FHAD1: variants seen among roughly 807,000 people sequenced by gnomAD.
The protein encoded by FHAD1 is forkhead associated phosphopeptide binding domain 1.
FHAD1 carries 146 observed loss-of-function variants against 191.3 expected under a neutral mutation model. That is an observed-to-expected ratio of 0.76 (90% confidence interval 0.67 to 0.88). The LOEUF (loss-of-function observed/expected upper bound fraction) is 0.88. FHAD1 is among the 40% of genes least tolerant of loss of function. The pLI, the probability that FHAD1 is intolerant of heterozygous loss-of-function variation, is 0.00. For synonymous variants in FHAD1, 616 were observed against 672.3 expected (o/e 0.92, Z 1.29); for missense variants, 1,635 against 1,785.8 (o/e 0.92, Z 1.52).
chr1:15,348,979 C>A, intron 18 of FHAD1, 63 bp from the exon 19 acceptor site: 1 of 956,808 alleles, frequency 1.0e-6, no homozygotes, highest in Non-Finnish European at 1.6e-6. Flanking sequence ...TTATCATTAT[C>A]ATTACTAGCA....
At chr1:15,328,461 C>G (rs1173052018) in intron 13 of FHAD1, 32 bp downstream of exon 13, 21 of 1,367,794 alleles carry the variant, frequency 1.5e-5, no homozygotes, top group Non-Finnish European at 1.9e-5. Flanking sequence ...CACAAATGGT[C>G]TCTTTGTCTA....
Position 15,289,716 on chromosome 1 carries a change from T to C in FHAD1, c.568+50T>C, listed in dbSNP as rs1282071070. 2.0e-6 allele frequency: 3 copies of C among 1,508,226 alleles called. No individual in the cohort carries two copies. The highest frequency in any genetic ancestry group is 8.9e-7 in the Non-Finnish European group (1 of 1,120,540). The allele number at this position is 1,508,226 out of a possible 1,614,324, so 93.4% of individuals were successfully genotyped here. On this transcript the variant is annotated intron_variant, in intron 4 of 33. Coordinates refer to ENST00000688493, the MANE Select transcript of FHAD1 (RefSeq NM_001391957.1). The surrounding 1 kb of genome is among the most constrained non-coding windows in gnomAD (Gnocchi z 4.2). ...GGCTTGGGGGTGGTTCACGGCCATG[T>C]GGATGGGTCTTGGTTTTGGTTTACT... is the stretch of plus-strand genomic sequence containing the variant.
At chr1:15,275,225 G>A (rs541989526) in intron 3 of FHAD1, among the ~76,000 whole-genome samples, 11 of 152,268 alleles carry the variant, frequency 7.2e-5, no homozygotes, top group Non-Finnish European at 1.5e-4. Context: ...GCCTCCCAAA[G>A]TGCTGGGATT....
chr1:15,286,192 T>C (rs112870594), intron 3 of FHAD1, among the ~76,000 whole-genome samples: 1 of 152,346 alleles, frequency 6.6e-6, no homozygotes, highest in African/African-American at 2.4e-5. Flanking sequence ...AATTTTGTTA[T>C]GTATTTTTTT....
intron 33 of FHAD1, among the ~76,000 whole-genome samples, chr1:15,393,757 T>C (rs2496329): frequency 0.39 from 58,880 of 151,328 alleles, 14,787 homozygotes; most frequent in African/African-American, 0.72. Flanking sequence ...CATGAGCCAC[T>C]GCCCCTGGCC....
At chr1:15,280,630 C>T (rs1469527870) in intron 3 of FHAD1, among the ~76,000 whole-genome samples, 5 of 152,310 alleles carry the variant, frequency 3.3e-5, no homozygotes, top group African/African-American at 1.2e-4. Context: ...GCAGGTCACA[C>T]TCTTCCCAAA....
upstream of FHAD1, among the ~76,000 whole-genome samples, chr1:15,244,268 A>G (rs888490200): frequency 6.6e-6 from 1 of 152,188 alleles, no homozygotes; most frequent in Non-Finnish European, 1.5e-5. The surrounding 1 kb of genome is among the most constrained non-coding windows in gnomAD (Gnocchi z 5.1). Context: ...CAGAGGATCC[A>G]ATTAAGATTT....
intron 3 of FHAD1, among the ~76,000 whole-genome samples, chr1:15,275,152 T>C (rs534111387): frequency 2.0e-5 from 3 of 151,942 alleles, no homozygotes; most frequent in South Asian, 2.1e-4. Context: ...TTAGTAGAGA[T>C]GGGGTTTCAC....
At chr1:15,236,671 TG>T (rs1644821029) in exon 1 of FHAD1, among the ~76,000 whole-genome samples, 1 of 152,228 alleles carries the variant, frequency 6.6e-6, no homozygotes, top group East Asian at 1.9e-4. Flanking sequence ...TGTCTGAGGT[TG>T]GATCCACGTG....
At chr1:15,322,642 G>T (rs1676686111) in intron 10 of FHAD1, among the ~76,000 whole-genome samples, 1 of 152,186 alleles carries the variant, frequency 6.6e-6, no homozygotes, top group South Asian at 2.1e-4. Flanking sequence ...AGCCAGATGT[G>T]GCCAGTGTCC....
At chr1:15,306,308 T>A (rs1670475829) in intron 6 of FHAD1, among the ~76,000 whole-genome samples, 1 of 152,218 alleles carries the variant, frequency 6.6e-6, no homozygotes, top group South Asian at 2.1e-4. Flanking sequence ...TGGGTGCTGT[T>A]AAAAGCATTC....
intron 2 of FHAD1, among the ~76,000 whole-genome samples, chr1:15,264,395 A>G (rs1652500741): frequency 6.6e-6 from 1 of 152,042 alleles, no homozygotes; most frequent in South Asian, 2.1e-4. Flanking sequence ...TTTTGATGCT[A>G]TTGTAAATGG....
intron 23 of FHAD1, among the ~76,000 whole-genome samples, chr1:15,364,680 A>C (rs1178343086): frequency 6.6e-6 from 1 of 152,212 alleles, no homozygotes; most frequent in Non-Finnish European, 1.5e-5. Context: ...CTGTGAACTC[A>C]AATGAAGTGG....
At chr1:15,393,441 C>CA (rs1227854067) in intron 33 of FHAD1, among the ~76,000 whole-genome samples, 1 of 151,532 alleles carries the variant, frequency 6.6e-6, no homozygotes, top group Non-Finnish European at 1.5e-5. Context: ...CACACACACA[C>CA]ACACACACAC....
chr1:15,401,841 C>G (rs1707134718), downstream of FHAD1, among the ~76,000 whole-genome samples: 1 of 152,192 alleles, frequency 6.6e-6, no homozygotes, highest in African/African-American at 2.4e-5. Flanking sequence ...GGCCTCATTT[C>G]CGTCAGGTGC....
At chr1:15,374,903 G>A (rs1164643017) in intron 27 of FHAD1, among the ~76,000 whole-genome samples, 3 of 140,708 alleles carry the variant, frequency 2.1e-5, no homozygotes, top group South Asian at 2.2e-4. Flanking sequence ...CTGTCACCCA[G>A]CCTGGAGTGC....
intron 20 of FHAD1, among the ~76,000 whole-genome samples, chr1:15,353,704 C>CAAAAAAAAAAAA (rs60518389): frequency 3.3e-5 from 2 of 60,970 alleles, no homozygotes; most frequent in East Asian, 6.7e-4. Context: ...GACTCCATCT[C>CAAAAAAAAAAAA]AAAAAAAAAA....
At chr1:15,322,843 G>A (rs552462412) in intron 10 of FHAD1, among the ~76,000 whole-genome samples, 36 of 152,166 alleles carry the variant, frequency 2.4e-4, no homozygotes, top group Non-Finnish European at 4.4e-4. Flanking sequence ...GTATTAGTCC[G>A]TTTTCACACC....
At chr1:15,376,851 CAT>C (rs747881529) in intron 28 of FHAD1, among the ~76,000 whole-genome samples, 2 of 152,174 alleles carry the variant, frequency 1.3e-5, no homozygotes, top group East Asian at 1.9e-4. Flanking sequence ...GCCTGGGAAA[CAT>C]AGCGAGACCC....
Sources: allele counts gnomAD v4.1 joint callset (sites outside exome capture counted in the v4.1 genomes callset), GRCh38; gene constraint gnomAD v4.1.1; non-coding constraint Gnocchi (gnomAD v3.1); transcripts MANE v1.5; gene names NCBI Gene and HGNC (gene_info 2026-07-23, HGNC 2026-07-21).